The following APBA2 variants were observed in gnomAD, a reference collection of about 807,000 sequenced individuals.
APBA2 encodes the protein amyloid-beta A4 precursor protein-binding family A member 2.
A neutral mutation model predicts 75.0 loss-of-function variants in APBA2; 30 were observed. The observed-to-expected ratio is 0.40, with a 90% confidence interval of 0.30 to 0.54. APBA2 has a LOEUF of 0.54. APBA2 is among the 20% of genes least tolerant of loss of function. APBA2 has a pLI of 0.49. For synonymous variants in APBA2, 444 were observed against 409.6 expected, an observed-to-expected ratio of 1.08 and a Z score of -1.01; for missense variants, 801 against 1,016.1, an observed-to-expected ratio of 0.79 and a Z score of 2.88.
chr15:29,066,331 G>A (rs567564013), intron 4 of APBA2, among the ~76,000 whole-genome samples: 1 of 152,150 alleles, frequency 6.6e-6, no homozygotes, highest in Non-Finnish European at 1.5e-5. Flanking sequence ...CACAAGCATA[G>A]CGAGAAAGTA....
intron 3 of APBA2, among the ~76,000 whole-genome samples, chr15:29,011,909 A>G (rs1034393730): frequency 6.6e-6 from 1 of 152,116 alleles, no homozygotes; most frequent in African/African-American, 2.4e-5. Context: ...TTTCTTTTCC[A>G]TAAGAATGCT....
intron 6 of APBA2, among the ~76,000 whole-genome samples, chr15:29,085,723 C>G (rs1008510529): frequency 1.3e-5 from 2 of 152,036 alleles, no homozygotes; most frequent in African/African-American, 2.4e-5. Flanking sequence ...ACCCAGTAGT[C>G]TTTGATTGTT....
intron 3 of APBA2, among the ~76,000 whole-genome samples, chr15:29,045,103 C>CTCTCTTTCTT (rs57446098): frequency 4.1e-4 from 58 of 140,402 alleles, no homozygotes; most frequent in African/African-American, 1.5e-3. Context: ...CTCTCTCTCT[C>CTCTCTTTCTT]GTCTCGCACT....
At chr15:29,092,470 A>G (rs963594761) in intron 6 of APBA2, among the ~76,000 whole-genome samples, 1 of 152,188 alleles carries the variant, frequency 6.6e-6, no homozygotes, top group African/African-American at 2.4e-5. Context: ...CGGATCCTGT[A>G]TTGGACACTG....
chr15:29,080,328 G>A (rs1043656880), intron 6 of APBA2, among the ~76,000 whole-genome samples: 6 of 152,230 alleles, frequency 3.9e-5, no homozygotes, highest in South Asian at 2.1e-4. Context: ...ACTGCCTGGC[G>A]ACCCTCACGC....
chr15:29,116,549 A>AC (rs1487703575), intron 14 of APBA2, among the ~76,000 whole-genome samples: 5 of 149,568 alleles, frequency 3.3e-5, no homozygotes, highest in South Asian at 2.2e-4. Context: ...AATGACATGA[A>AC]CCCGGGGGGC....
At position 28,899,482 on chromosome 15, in the gene APBA2, T is replaced by C. The variant is rs190560624; in HGVS notation, c.-205+13204T>C. 1.2e-4 allele frequency among the ~76,000 whole-genome samples: 18 copies of C among 152,328 alleles called. No individual in the cohort carries two copies. The East Asian group carries it at 3.5e-3, about 29-fold the overall frequency. ...CTTCATGGGCCACAGTGTGCTTGAG[T>C]GAGCACAGCCATGGCGTGGGTTCAC... On this transcript the variant is annotated intron_variant, in intron 1 of 14. Transcript: ENST00000683413.
intron 4 of APBA2, chr15:29,070,885 A>G (rs1595889619): frequency 6.0e-6 from 2 of 331,428 alleles, no homozygotes; most frequent in East Asian, 8.4e-5. Flanking sequence ...AGGGATTCCC[A>G]GAGAAGATTG....
In APBA2 at chr15:28,952,728, T is replaced by C. The variant is rs192792242; in HGVS notation, c.-95+30979T>C. Among the ~76,000 whole-genome samples, 48 of 152,350 alleles carry C rather than the reference T, an allele frequency of 3.2e-4. No individual in the cohort carries two copies. The East Asian group carries it at 9.1e-3, about 29-fold the overall frequency. ...GATATATCCCATTGTTATGATATTT[T>C]CAAACTTTGTAGAAATGATACCTTA... On this transcript the variant is annotated intron_variant, in intron 2 of 14. Coordinates refer to ENST00000683413, the MANE Select transcript of APBA2 (RefSeq NM_001353788.2).
Position 28,887,530 on chromosome 15 carries a change from C to A in APBA2, c.-205+1252C>A, listed in dbSNP as rs144646725. Among the ~76,000 whole-genome samples the A allele has an allele frequency of 9.5e-3, 1,443 of 152,236 alleles. 37 individuals are homozygous for A. Among genetic ancestry groups the A allele is most frequent in the African/African-American group, 0.033 (1,353 of 41,542 alleles). ...GGGTTTCTCCTGTGTGTCGCCACTA[C>A]GCAGGGGACAGGATCTGGGTTTCCC... On this transcript the variant is annotated intron_variant, in intron 1 of 14. Transcript: ENST00000683413.
At chr15:29,100,372 C>T (rs2044057144) in intron 9 of APBA2, among the ~76,000 whole-genome samples, 1 of 152,228 alleles carries the variant, frequency 6.6e-6, no homozygotes, top group South Asian at 2.1e-4. Flanking sequence ...GCAGCATGCA[C>T]TGCAAAGTGG....
intron 1 of APBA2, among the ~76,000 whole-genome samples, chr15:28,919,753 C>A (rs1243099011): frequency 6.6e-6 from 1 of 152,196 alleles, no homozygotes; most frequent in Non-Finnish European, 1.5e-5. Context: ...TTTCTGGGGG[C>A]TCCCAGATGA....
intron 2 of APBA2, among the ~76,000 whole-genome samples, chr15:28,968,482 G>T (rs1363183795): frequency 6.6e-6 from 1 of 152,168 alleles, no homozygotes; most frequent in Admixed American, 6.5e-5. Context: ...AGTTCAGCGT[G>T]TCCCTTTGTC....
chr15:28,886,902 C>G (rs2031778562), intron 1 of APBA2, among the ~76,000 whole-genome samples: 2 of 152,346 alleles, frequency 1.3e-5, no homozygotes, highest in South Asian at 4.1e-4. Flanking sequence ...CAGGCACTGC[C>G]TGGCAAGGCT....
At chr15:28,938,057 A>G (rs1041291197) in intron 2 of APBA2, among the ~76,000 whole-genome samples, 26 of 151,986 alleles carry the variant, frequency 1.7e-4, no homozygotes, top group African/African-American at 6.3e-4. Flanking sequence ...AATGTCCCCA[A>G]CCCCCCACCT....
chr15:29,045,069 T>TTCTCTCTCTCTCTCTCTCTCTCTCTC, intron 3 of APBA2, among the ~76,000 whole-genome samples: 1 of 82,866 alleles, frequency 1.2e-5, no homozygotes, highest in Admixed American at 1.2e-4. Flanking sequence ...CCCTCCCTCC[T>TTCTCTCTCTCTCTCTCTCTCTCTCTC]TCTCTCTCTC....
chr15:28,995,883 G>C (rs2038489254), intron 3 of APBA2, 77 bp downstream of exon 3: 1 of 152,192 alleles, frequency 6.6e-6, no homozygotes, highest in South Asian at 2.1e-4. Context: ...TTCACTGGAG[G>C]GAAAATGCTA....
At chr15:28,954,024 A>G (rs1279159618) in intron 2 of APBA2, among the ~76,000 whole-genome samples, 2 of 151,588 alleles carry the variant, frequency 1.3e-5, no homozygotes, top group African/African-American at 4.9e-5. Context: ...GGCCATCTCA[A>G]CCCCAATCTC....
intron 2 of APBA2, among the ~76,000 whole-genome samples, chr15:28,946,779 A>C (rs973415444): frequency 1.3e-5 from 2 of 152,096 alleles, no homozygotes; most frequent in Non-Finnish European, 2.9e-5. Context: ...AGGTCTTGCT[A>C]TATTGCCTAG....
Sources: allele counts gnomAD v4.1 joint callset (sites outside exome capture counted in the v4.1 genomes callset), GRCh38; gene constraint gnomAD v4.1.1; transcripts MANE v1.5; gene names NCBI Gene and HGNC (gene_info 2026-07-23, HGNC 2026-07-21).